RYK: variants seen among roughly 807,000 people sequenced by gnomAD.
RYK encodes inactive tyrosine-protein kinase RYK.
In RYK, 21 loss-of-function variants were observed where a neutral mutation model predicts 70.2. That is an observed-to-expected ratio of 0.30 (90% CI 0.21 to 0.43). The LOEUF (loss-of-function observed/expected upper bound fraction) is 0.43. RYK is among the 20% of genes least tolerant of loss of function. The pLI, the probability that RYK is intolerant of heterozygous loss-of-function variation, is 1.00. For missense variants in RYK, 604 were observed against 753.3 expected, an observed-to-expected ratio of 0.80 and a Z score of 2.32; for synonymous variants, 267 against 278.0, an observed-to-expected ratio of 0.96 and a Z score of 0.39.
intron 8 of RYK, among the ~76,000 whole-genome samples, chr3:134,191,004 G>C (rs1473952708): frequency 6.6e-6 from 1 of 152,088 alleles, no homozygotes; most frequent in Non-Finnish European, 1.5e-5. Flanking sequence ...TTTGCTACTG[G>C]GGACAGTTTA....
intron 6 of RYK, among the ~76,000 whole-genome samples, chr3:134,199,430 A>G (rs1192336788): frequency 6.6e-6 from 1 of 152,268 alleles, no homozygotes; most frequent in Non-Finnish European, 1.5e-5. Flanking sequence ...ATAGTGGATT[A>G]TTAACACATA....
Position 134,247,121 on chromosome 3 carries a change from TA to T in RYK, c.232+3301del, listed in dbSNP as rs368784462. Among the ~76,000 whole-genome samples, 921 of 152,036 alleles carry T rather than the reference TA, an allele frequency of 6.1e-3. 3 individuals carry two copies. Among genetic ancestry groups the T allele is most frequent in the African/African-American group, 0.011 (460 of 41,474 alleles). On this transcript the variant is annotated intron_variant, in intron 1 of 14. Transcript: ENST00000623711. ...TTGCTGTGGGAAAAACAAAAATGTA[TA>T]AAAAAAATCATAAGTCACTATTTAG...
intron 6 of RYK, among the ~76,000 whole-genome samples, chr3:134,197,397 T>C (rs2013849960): frequency 6.6e-6 from 1 of 152,130 alleles, no homozygotes; most frequent in Admixed American, 6.5e-5. Flanking sequence ...GTGGACAGAG[T>C]GTGCATAACA....
intron 5 of RYK, among the ~76,000 whole-genome samples, chr3:134,205,208 A>C (rs569128720): frequency 6.6e-6 from 1 of 152,232 alleles, no homozygotes; most frequent in Admixed American, 6.5e-5. Flanking sequence ...TAGGTACCTC[A>C]TATCTCCATG....
intron 8 of RYK, among the ~76,000 whole-genome samples, chr3:134,190,171 C>A (rs1248650553): frequency 6.6e-6 from 1 of 152,150 alleles, no homozygotes; most frequent in Non-Finnish European, 1.5e-5. Context: ...TTGCTTGAAG[C>A]TGAGTAAATA....
chr3:134,159,397 T>C (rs778409578), intron 13 of RYK, 24 bp from the exon 14 acceptor site: 6 of 1,561,642 alleles, frequency 3.8e-6, no homozygotes, highest in Admixed American at 3.9e-5. Context: ...AGAAGCACAA[T>C]GAGGGGACAT....
chr3:134,193,481 C>A (rs1485484799), intron 7 of RYK, among the ~76,000 whole-genome samples: 1 of 152,198 alleles, frequency 6.6e-6, no homozygotes, highest in Non-Finnish European at 1.5e-5. Flanking sequence ...CCACACCCGG[C>A]CCCTTTGACT....
intron 1 of RYK, among the ~76,000 whole-genome samples, chr3:134,236,906 C>A (rs999492743): frequency 3.9e-5 from 6 of 152,150 alleles, no homozygotes; most frequent in Non-Finnish European, 8.8e-5. Context: ...TTTTTAAATT[C>A]TGATTTAGGA....
At chr3:134,175,825 A>T (rs1194711005) in intron 12 of RYK, 57 bp from the exon 13 acceptor site, 1 of 1,588,700 alleles carries the variant, frequency 6.3e-7, no homozygotes, top group Non-Finnish European at 8.6e-7. Context: ...AGTAGGGATC[A>T]TCACCACCCT....
At chr3:134,193,614 T>A (rs868068759) in intron 7 of RYK, among the ~76,000 whole-genome samples, 44 of 152,266 alleles carry the variant, frequency 2.9e-4, no homozygotes, top group African/African-American at 1.0e-3. Flanking sequence ...AGCAATGATG[T>A]GCCTCTTCTG....
At chr3:134,219,936 T>C (rs1009052170) in intron 2 of RYK, among the ~76,000 whole-genome samples, 3 of 152,206 alleles carry the variant, frequency 2.0e-5, no homozygotes, top group African/African-American at 7.2e-5. Context: ...TTTCAAATTA[T>C]CTCCCCACAA....
chr3:134,204,669 T>C (rs991656951), intron 5 of RYK, among the ~76,000 whole-genome samples: 67 of 138,384 alleles, frequency 4.8e-4, no homozygotes, highest in African/African-American at 1.8e-3. Context: ...AAGATACAAA[T>C]GACATAAGCA....
At chr3:134,171,266 G>A (rs1047843596) in intron 13 of RYK, among the ~76,000 whole-genome samples, 1 of 152,152 alleles carries the variant, frequency 6.6e-6, no homozygotes, top group Non-Finnish European at 1.5e-5. Flanking sequence ...GTGAACTCCT[G>A]CAAAATGTCA....
intron 13 of RYK, among the ~76,000 whole-genome samples, chr3:134,163,212 C>A (rs2012537088): frequency 6.6e-6 from 1 of 152,068 alleles, no homozygotes; most frequent in Non-Finnish European, 1.5e-5. Context: ...TAAAAACTAA[C>A]AAAAGTGATT....
intron 1 of RYK, among the ~76,000 whole-genome samples, chr3:134,243,151 T>C: frequency 6.6e-6 from 1 of 152,300 alleles, no homozygotes; most frequent in East Asian, 1.9e-4. Context: ...TCATCTCCTT[T>C]TTCTTTCCCT....
chr3:134,205,454 T>C (rs758634449), intron 5 of RYK, among the ~76,000 whole-genome samples: 3 of 152,172 alleles, frequency 2.0e-5, no homozygotes, highest in Non-Finnish European at 4.4e-5. Flanking sequence ...TCATCAAGAA[T>C]TACCTTATGC....
chr3:134,197,487 T>A (rs2013852413), intron 6 of RYK, among the ~76,000 whole-genome samples: 1 of 152,264 alleles, frequency 6.6e-6, no homozygotes, highest in Middle Eastern at 3.4e-3. Context: ...CTCAAACATA[T>A]CTTTATAAAT....
chr3:134,250,846 C>G lies in RYK; in HGVS notation c.-192G>C, dbSNP rs916039132. 7 of 161,332 alleles carry G rather than the reference C, an allele frequency of 4.3e-5. No homozygotes were observed. The highest frequency in any genetic ancestry group is 1.7e-4 in the African/African-American group (7 of 41,510). 10.0% of individuals were successfully genotyped at this position (161,332 alleles called of 1,614,324 possible). On this transcript the variant is annotated 5_prime_UTR_variant, in exon 1 of 15. Coordinates refer to ENST00000623711, the MANE Select transcript of RYK (RefSeq NM_002958.4). ...GCCGCCGCCTCCTCGCTGCATCGTC[C>G]GGAGTTGGGGGCTGCCCGCGGGACG...
chr3:134,159,409 T>G (rs2012373032), intron 13 of RYK, 36 bp from the exon 14 acceptor site: 15 of 1,547,936 alleles, frequency 9.7e-6, no homozygotes, highest in African/African-American at 1.4e-5. Context: ...AGGGGACATT[T>G]AAAACAACAG....
Sources: gnomAD v4.1 joint callset for allele counts (sites outside exome capture counted in the v4.1 genomes callset) on GRCh38, gnomAD v4.1.1 for gene constraint, MANE v1.5 for transcripts, NCBI Gene and HGNC (gene_info 2026-07-23, HGNC 2026-07-21) for gene names.